Variants in RAB38 observed in about 807,000 individuals in gnomAD.
RAB38 encodes RAB38, member RAS oncogene family.
RAB38 carries 15 observed loss-of-function variants against 18.4 expected under a neutral mutation model. The ratio of observed to expected loss-of-function variants is 0.82; its 90% CI spans 0.55 to 1.26. RAB38 has a LOEUF of 1.26. Among genes scored for constraint, RAB38 ranks in the 50% most tolerant of loss-of-function variants. The pLI, the probability that RAB38 is intolerant of heterozygous loss-of-function variation, is 0.00. For synonymous variants in RAB38, 101 were observed against 104.4 expected (o/e 0.97, Z 0.20); for missense variants, 294 against 267.4 (o/e 1.10, Z -0.69).
At chr11:87,870,922 A>T in the RAB38 span, among the ~76,000 whole-genome samples, 1 of 151,644 alleles carries the variant, frequency 6.6e-6, no homozygotes, top group African/African-American at 2.4e-5. Flanking sequence ...CCTGCATCTT[A>T]TGCAATTGAA....
the RAB38 span, among the ~76,000 whole-genome samples, chr11:88,091,037 G>A: frequency 6.6e-6 from 1 of 151,990 alleles, no homozygotes; most frequent in African/African-American, 2.4e-5. Flanking sequence ...AAAATAAAAT[G>A]GGTGCTGGAG....
chr11:87,884,648 A>G, the RAB38 span, among the ~76,000 whole-genome samples: 1 of 151,932 alleles, frequency 6.6e-6, no homozygotes, highest in Non-Finnish European at 1.5e-5. Context: ...GAGCACTAAA[A>G]TAAATGGAAG....
chr11:87,889,519 G>T, the RAB38 span, among the ~76,000 whole-genome samples: 1 of 151,818 alleles, frequency 6.6e-6, no homozygotes, highest in East Asian at 2.0e-4. Flanking sequence ...ATTATGATCA[G>T]TAATAATAAT....
intron 1 of RAB38, among the ~76,000 whole-genome samples, chr11:88,172,951 G>A (rs1408718201): frequency 6.6e-6 from 1 of 152,204 alleles, no homozygotes; most frequent in Non-Finnish European, 1.5e-5. Context: ...CTACTGAGAT[G>A]TTGAATGTAA....
the RAB38 span, among the ~76,000 whole-genome samples, chr11:88,067,222 T>A: frequency 1.3e-5 from 2 of 152,108 alleles, no homozygotes; most frequent in Non-Finnish European, 2.9e-5. Context: ...AATATTTAAG[T>A]TAAAGCAAGA....
At chr11:88,127,563 C>T (rs1942714390) in intron 2 of RAB38, among the ~76,000 whole-genome samples, 1 of 152,132 alleles carries the variant, frequency 6.6e-6, no homozygotes, top group Non-Finnish European at 1.5e-5. Context: ...TTTATATTAC[C>T]CTGTGTGTTT....
At chr11:88,010,975 C>T in the RAB38 span, among the ~76,000 whole-genome samples, 2 of 152,100 alleles carry the variant, frequency 1.3e-5, no homozygotes, top group African/African-American at 4.8e-5. Context: ...AGCTGTTAAC[C>T]CCTTCTGCCT....
At chr11:88,042,097 G>T in the RAB38 span, among the ~76,000 whole-genome samples, 1 of 151,926 alleles carries the variant, frequency 6.6e-6, no homozygotes, top group Non-Finnish European at 1.5e-5. Context: ...TTTTATTACA[G>T]CCACATTCAA....
At chr11:87,945,473 G>C in the RAB38 span, among the ~76,000 whole-genome samples, 1 of 152,140 alleles carries the variant, frequency 6.6e-6, no homozygotes, top group Non-Finnish European at 1.5e-5. Context: ...TGACAACGGG[G>C]TTGTCAGTGG....
At chr11:87,846,787 A>G in the RAB38 span, among the ~76,000 whole-genome samples, 5 of 152,106 alleles carry the variant, frequency 3.3e-5, no homozygotes, top group Non-Finnish European at 7.4e-5. Context: ...TACAATCTGG[A>G]GTACAAAACA....
chr11:88,088,702 C>A, the RAB38 span, among the ~76,000 whole-genome samples: 241 of 151,674 alleles, frequency 1.6e-3, no homozygotes, highest in Middle Eastern at 0.01. Flanking sequence ...TTCCCTTTGG[C>A]CAATTAAACA....
chr11:88,120,412 A>G (rs1942614976), intron 2 of RAB38, among the ~76,000 whole-genome samples: 1 of 152,148 alleles, frequency 6.6e-6, no homozygotes. Context: ...TCCAAAGCCC[A>G]CAGTTTTGTA....
intron 2 of RAB38, among the ~76,000 whole-genome samples, chr11:88,126,650 T>C (rs1942698492): frequency 6.6e-6 from 1 of 151,684 alleles, no homozygotes; most frequent in Admixed American, 6.6e-5. Flanking sequence ...TGTATACATA[T>C]GCAACAAACC....
the RAB38 span, among the ~76,000 whole-genome samples, chr11:88,036,972 C>T: frequency 6.6e-6 from 1 of 151,942 alleles, no homozygotes; most frequent in East Asian, 1.9e-4. Context: ...GTGTCTTTGT[C>T]AAGCTTAGTT....
At chr11:87,845,132 G>T in the RAB38 span, among the ~76,000 whole-genome samples, 1 of 152,102 alleles carries the variant, frequency 6.6e-6, no homozygotes, top group Non-Finnish European at 1.5e-5. Context: ...ACAACATCCT[G>T]CAGATTGTAA....
intron 2 of RAB38, among the ~76,000 whole-genome samples, chr11:88,137,647 T>G (rs139666990): frequency 6.6e-6 from 1 of 152,046 alleles, no homozygotes; most frequent in African/African-American, 2.4e-5. Flanking sequence ...GGAAGAAAAT[T>G]ATCAAAGAAA....
chr11:87,919,332 T>C, the RAB38 span, among the ~76,000 whole-genome samples: 1 of 151,996 alleles, frequency 6.6e-6, no homozygotes, highest in African/African-American at 2.4e-5. Flanking sequence ...TAAATTTTAT[T>C]GAATTTCTTT....
chr11:87,898,669 A>C, the RAB38 span, among the ~76,000 whole-genome samples: 5 of 151,792 alleles, frequency 3.3e-5, no homozygotes, highest in East Asian at 7.8e-4. Context: ...GAACATTGTC[A>C]GAATCTCAAT....
the RAB38 span, among the ~76,000 whole-genome samples, chr11:88,074,473 A>T: frequency 6.6e-6 from 1 of 152,144 alleles, no homozygotes; most frequent in African/African-American, 2.4e-5. Context: ...ATAAGCTGTC[A>T]TCTCTTTAAA....
Sources: allele counts gnomAD v4.1 joint callset (sites outside exome capture counted in the v4.1 genomes callset), GRCh38; gene constraint gnomAD v4.1.1; transcripts MANE v1.5; gene names NCBI Gene and HGNC (gene_info 2026-07-23, HGNC 2026-07-21).